KATNAL1: variants seen among roughly 807,000 people sequenced by gnomAD.
The protein encoded by KATNAL1 is katanin catalytic subunit A1 like 1.
KATNAL1 carries 32 observed loss-of-function variants against 55.2 expected under a neutral mutation model. That is an observed-to-expected ratio of 0.58 (90% CI 0.44 to 0.78). KATNAL1 has a LOEUF of 0.78. Ranked by LOEUF, KATNAL1 falls within the 30% of genes least tolerant of loss-of-function variation. The pLI, the probability that KATNAL1 is intolerant of heterozygous loss-of-function variation, is 0.00. For missense variants in KATNAL1, 466 were observed against 600.9 expected, an observed-to-expected ratio of 0.78 and a Z score of 2.35; for synonymous variants, 193 against 193.6, an observed-to-expected ratio of 1.00 and a Z score of 0.02.
In KATNAL1 at chr13:30,295,436, G is replaced by A. The variant is rs185080213; in HGVS notation, c.-14-11645C>T. ...AGAACTAGCATTAGAAGTGGAGCTT[G>A]TAGATGTGACTGAATTGCTGCAATC... On this transcript the variant is annotated intron_variant, in intron 1 of 10. Transcript: ENST00000380615. Among the ~76,000 whole-genome samples, 768 of 152,316 alleles carry A rather than the reference G, an allele frequency of 5.0e-3. 5 individuals carry two copies. Among genetic ancestry groups the A allele is most frequent in the Non-Finnish European group, 8.4e-3 (570 of 68,024 alleles).
chr13:30,253,284 C>T (rs1290655785), intron 4 of KATNAL1, among the ~76,000 whole-genome samples: 1 of 152,164 alleles, frequency 6.6e-6, no homozygotes, highest in African/African-American at 2.4e-5. Context: ...TGACTCAGAA[C>T]ATATCTTTTA....
At chr13:30,213,468 C>CA (rs550723082) in intron 9 of KATNAL1, among the ~76,000 whole-genome samples, 7,361 of 151,856 alleles carry the variant, frequency 0.048, 264 homozygotes, top group African/African-American at 0.098. Flanking sequence ...GAGACACACC[C>CA]AAAAAAGAGA....
intron 9 of KATNAL1, among the ~76,000 whole-genome samples, chr13:30,215,372 C>T (rs1874112684): frequency 6.6e-6 from 1 of 152,180 alleles, no homozygotes; most frequent in Non-Finnish European, 1.5e-5. Flanking sequence ...TGTGGTGATT[C>T]CTCAGGGATA....
intron 1 of KATNAL1, among the ~76,000 whole-genome samples, chr13:30,286,479 T>G (rs1426494291): frequency 1.3e-5 from 2 of 152,188 alleles, no homozygotes; most frequent in Non-Finnish European, 2.9e-5. Flanking sequence ...GGCCTGCAAG[T>G]GCACAGGATG....
chr13:30,242,342 CT>C (rs1007537330), intron 4 of KATNAL1, among the ~76,000 whole-genome samples: 1 of 152,092 alleles, frequency 6.6e-6, no homozygotes. Context: ...AAAGAAAAAG[CT>C]GCATGCCTAT....
At chr13:30,223,581 C>G (rs1875146878) in intron 9 of KATNAL1, among the ~76,000 whole-genome samples, 1 of 151,322 alleles carries the variant, frequency 6.6e-6, no homozygotes, top group African/African-American at 2.4e-5. Context: ...GCAGTCAAAG[C>G]AGATACCAAG....
intron 9 of KATNAL1, chr13:30,210,650 GAAAAAAA>G (rs33951005): frequency 8.4e-6 from 1 of 119,060 alleles, no homozygotes. Context: ...ACTAAAAATT[GAAAAAAA>G]AAAAAAAAAA....
intron 9 of KATNAL1, among the ~76,000 whole-genome samples, chr13:30,221,719 G>A (rs763001890): frequency 9.2e-5 from 14 of 152,174 alleles, no homozygotes; most frequent in Admixed American, 1.3e-4. Context: ...AATTTTATAC[G>A]TCAACTTGGC....
At chr13:30,297,847 A>G (rs1179723214) in intron 1 of KATNAL1, among the ~76,000 whole-genome samples, 3 of 152,190 alleles carry the variant, frequency 2.0e-5, no homozygotes, top group Non-Finnish European at 4.4e-5. Context: ...TGGCAACAAC[A>G]GACACTGGAA....
At chr13:30,289,070 T>A (rs1412325792) in intron 1 of KATNAL1, among the ~76,000 whole-genome samples, 47 of 152,360 alleles carry the variant, frequency 3.1e-4, no homozygotes, top group Admixed American at 3.0e-3. Context: ...CTACACTTCA[T>A]TCAGGTTGCA....
chr13:30,225,509 T>G (rs1376808085), intron 9 of KATNAL1, among the ~76,000 whole-genome samples: 2 of 152,108 alleles, frequency 1.3e-5, no homozygotes, highest in African/African-American at 4.8e-5. Context: ...TGGAACAGAA[T>G]AGTATTCAGA....
At position 30,205,149 on chromosome 13, in the gene KATNAL1, A is replaced by C. The variant is rs573872271; in HGVS notation, c.*3391T>G. Reference sequence around the variant, plus strand: ...AGTTCTAATTTCAAAACAGATTTAAAGTGCAAAAAATAGGGGAAAAAAACT... The same window carrying C: ...AGTTCTAATTTCAAAACAGATTTAACGTGCAAAAAATAGGGGAAAAAAACT... On this transcript the variant is annotated 3_prime_UTR_variant, in exon 11 of 11. Transcript: ENST00000380615. 1 of 152,376 alleles carries C rather than the reference A, an allele frequency of 6.6e-6. No individual in the cohort carries two copies. The highest frequency in any genetic ancestry group is 2.4e-5 in the African/African-American group (1 of 41,590). The allele number at this position is 152,376 out of a possible 1,614,324, so 9.4% of individuals were successfully genotyped here. A position where few individuals can be genotyped will look rare whatever the true frequency, so the allele number is the denominator to read the frequency against.
intron 3 of KATNAL1, among the ~76,000 whole-genome samples, chr13:30,259,626 A>G (rs982839926): frequency 6.6e-6 from 1 of 152,178 alleles, no homozygotes; most frequent in Non-Finnish European, 1.5e-5. Flanking sequence ...GCACCTGGAA[A>G]ATCGGGTCAC....
chr13:30,250,234 G>GA (rs1416075124), intron 4 of KATNAL1, among the ~76,000 whole-genome samples: 1 of 152,124 alleles, frequency 6.6e-6, no homozygotes, highest in Non-Finnish European at 1.5e-5. Flanking sequence ...AAGTAATGGG[G>GA]AAAATGTTAA....
rs543763174 is a variant in KATNAL1, at chr13:30,238,819, TAAA to T, written c.726+1638_726+1640del. Among the ~76,000 whole-genome samples, 4 of 152,286 alleles carry T rather than the reference TAAA, an allele frequency of 2.6e-5. No individual in the cohort carries two copies. In the South Asian group the frequency reaches 6.2e-4, roughly 24 times the overall value. ...CAAGGAACCCTGTTTATAACAGGGC[TAAA>T]TAAGTGCTTGACGGATAAAGGAATG... On this transcript the variant is annotated intron_variant, in intron 6 of 10. Transcript: ENST00000380615.
At chr13:30,229,944 G>A (rs1875920011) in intron 8 of KATNAL1, among the ~76,000 whole-genome samples, 1 of 87,238 alleles carries the variant, frequency 1.1e-5, no homozygotes, top group Admixed American at 1.6e-4. Flanking sequence ...AAAAAGAAGA[G>A]GGGCTTTTTT....
chr13:30,228,269 C>T (rs182876317), intron 8 of KATNAL1, among the ~76,000 whole-genome samples: 1 of 151,380 alleles, frequency 6.6e-6, no homozygotes, highest in African/African-American at 2.5e-5. Context: ...ATTGATAAGA[C>T]TTTCTAGTCT....
chr13:30,289,217 C>T lies in KATNAL1; in HGVS notation c.-14-5426G>A, dbSNP rs1593178682. Among the ~76,000 whole-genome samples the T allele has an allele frequency of 2.0e-5, 3 of 152,346 alleles. No individual in the cohort carries two copies. In the South Asian group the frequency reaches 6.2e-4, roughly 32 times the overall value. On this transcript the variant is annotated intron_variant, in intron 1 of 10. Coordinates refer to ENST00000380615, the MANE Select transcript of KATNAL1 (RefSeq NM_032116.5). Reference sequence around the variant, plus strand: ...AACAACTGAGCAGTATTGGTAACATCTGTCAACTCATCAAAAGCCAAGGAA... The same window carrying T: ...AACAACTGAGCAGTATTGGTAACATTTGTCAACTCATCAAAAGCCAAGGAA...
chr13:30,272,969 C>T (rs992754331), intron 3 of KATNAL1, among the ~76,000 whole-genome samples: 2 of 152,132 alleles, frequency 1.3e-5, no homozygotes, highest in Non-Finnish European at 2.9e-5. Flanking sequence ...ACAACCACAC[C>T]CTTACATACC....
Sources: gnomAD v4.1 joint callset for allele counts (sites outside exome capture counted in the v4.1 genomes callset) on GRCh38, gnomAD v4.1.1 for gene constraint, MANE v1.5 for transcripts, NCBI Gene and HGNC (gene_info 2026-07-23, HGNC 2026-07-21) for gene names.